FBXL2: variants seen among roughly 807,000 people sequenced by gnomAD.
The protein encoded by FBXL2 is F-box/LRR-repeat protein 2.
A neutral mutation model predicts 69.2 loss-of-function variants in FBXL2; 38 were observed. The observed-to-expected ratio is 0.55, with a 90% CI of 0.42 to 0.72. The LOEUF is 0.72. FBXL2 is among the 30% of genes least tolerant of loss of function. The pLI, the probability that FBXL2 is intolerant of heterozygous loss-of-function variation, is 0.00. For missense variants in FBXL2, 354 were observed against 520.3 expected, an observed-to-expected ratio of 0.68 and a Z score of 3.11; for synonymous variants, 192 against 201.3, an observed-to-expected ratio of 0.95 and a Z score of 0.39.
At chr3:33,315,968 C>T (rs1361992174) in intron 2 of FBXL2, among the ~76,000 whole-genome samples, 1 of 151,960 alleles carries the variant, frequency 6.6e-6, no homozygotes, top group Non-Finnish European at 1.5e-5. Context: ...TTTAAGAAAG[C>T]AGCAGGTTGC....
intron 14 of FBXL2, among the ~76,000 whole-genome samples, chr3:33,385,207 G>A (rs1266520337): frequency 6.6e-6 from 1 of 152,150 alleles, no homozygotes; most frequent in Admixed American, 6.5e-5. Context: ...GCATTTAACA[G>A]CCCCATCCAG....
intron 12 of FBXL2, among the ~76,000 whole-genome samples, chr3:33,395,106 T>C (rs951218230): frequency 3.9e-5 from 6 of 152,242 alleles, no homozygotes; most frequent in Non-Finnish European, 8.8e-5. Context: ...GTATAAGCTC[T>C]TGATGATACA....
At chr3:33,421,235 C>CT in the FBXL2 span, among the ~76,000 whole-genome samples, 1 of 149,718 alleles carries the variant, frequency 6.7e-6, no homozygotes, top group Non-Finnish European at 1.5e-5. Context: ...AAGTCAGGGA[C>CT]TTAACTCCTC....
At chr3:33,309,700 C>G (rs2037021379) in intron 2 of FBXL2, among the ~76,000 whole-genome samples, 1 of 152,130 alleles carries the variant, frequency 6.6e-6, no homozygotes, top group African/African-American at 2.4e-5. Context: ...TTTTCACGCA[C>G]TTGATATCTT....
chr3:33,419,476 A>C, the FBXL2 span, among the ~76,000 whole-genome samples: 1 of 152,146 alleles, frequency 6.6e-6, no homozygotes. Flanking sequence ...AAAAATGCAA[A>C]AACTAGCTGG....
intron 2 of FBXL2, among the ~76,000 whole-genome samples, chr3:33,333,648 C>G (rs1188697070): frequency 6.6e-6 from 1 of 152,164 alleles, no homozygotes; most frequent in East Asian, 1.9e-4. Context: ...AGCTTCATAC[C>G]TAGGGGTGGG....
At chr3:33,289,621 A>T (rs1388071952) in intron 1 of FBXL2, 2 of 244,050 alleles carry the variant, frequency 8.2e-6, no homozygotes, top group Non-Finnish European at 1.3e-5. Context: ...AGAGAAGTCA[A>T]CAGTTACTGA....
chr3:33,283,757 T>G (rs1346251817), intron 1 of FBXL2, among the ~76,000 whole-genome samples: 2 of 152,212 alleles, frequency 1.3e-5, no homozygotes, highest in Non-Finnish European at 2.9e-5. Flanking sequence ...GGATTCAACT[T>G]CTTCCTGGTT....
intron 5 of FBXL2, chr3:33,372,248 G>T (rs1432495313): frequency 6.6e-6 from 1 of 152,168 alleles, no homozygotes; most frequent in African/African-American, 2.4e-5. Flanking sequence ...ATTCTTGAGG[G>T]GCACCCTCCA....
At chr3:33,409,138 C>A in the FBXL2 span, 2 of 1,163,746 alleles carry the variant, frequency 1.7e-6, no homozygotes, top group East Asian at 2.4e-5. Context: ...AACTGCCACC[C>A]AATCTTCCCC....
the FBXL2 span, chr3:33,412,879 G>T: frequency 4.6e-5 from 55 of 1,185,638 alleles, no homozygotes; most frequent in Non-Finnish European, 5.1e-6. Flanking sequence ...CAGCTAAAAT[G>T]CAGGACCATT....
At chr3:33,280,949 A>G (rs1233230980) in intron 1 of FBXL2, among the ~76,000 whole-genome samples, 1 of 152,096 alleles carries the variant, frequency 6.6e-6, no homozygotes, top group Non-Finnish European at 1.5e-5. Context: ...CTCTCTCTGT[A>G]TTTGTGGTCA....
At chr3:33,422,248 A>C in the FBXL2 span, among the ~76,000 whole-genome samples, 2 of 152,064 alleles carry the variant, frequency 1.3e-5, no homozygotes, top group African/African-American at 4.8e-5. Flanking sequence ...AAAAGCTATG[A>C]ATCCTCTCAT....
At chr3:33,388,439 T>C (rs1262278692), downstream of FBXL2, 2 of 152,632 alleles carry the variant, frequency 1.3e-5, no homozygotes, top group Non-Finnish European at 2.9e-5. Context: ...ATTTAGCCTG[T>C]TTCACTGGGA....
At chr3:33,384,793 C>T (rs2043304365) in intron 14 of FBXL2, among the ~76,000 whole-genome samples, 1 of 152,134 alleles carries the variant, frequency 6.6e-6, no homozygotes, top group South Asian at 2.1e-4. Context: ...CTAATCCCAG[C>T]ACTTTGGGAG....
chr3:33,360,987 A>G (rs2041580985), intron 4 of FBXL2, among the ~76,000 whole-genome samples: 1 of 122,406 alleles, frequency 8.2e-6, no homozygotes, highest in Non-Finnish European at 1.6e-5. Context: ...GCTGGAGTGC[A>G]GTGGCGTGGT....
chr3:33,358,601 T>C lies in FBXL2; in HGVS notation c.66-366T>C, dbSNP rs552319356. On this transcript the variant is annotated intron_variant, in intron 2 of 14. Coordinates refer to ENST00000484457, the MANE Select transcript of FBXL2 (RefSeq NM_012157.5). ...ATCAAGCTTTTTTTGACAGTGTTAT[T>C]TGAGGCTCAGGCATCTGAGCCTGTT... 2.0e-5 allele frequency among the ~76,000 whole-genome samples: 3 copies of C among 152,334 alleles called. No individual in the cohort carries two copies. In the South Asian group the frequency reaches 6.2e-4, roughly 32 times the overall value.
At chr3:33,378,062 C>T (rs2042759936) in intron 11 of FBXL2, 41 bp from the exon 12 acceptor site, 1 of 1,605,340 alleles carries the variant, frequency 6.2e-7, no homozygotes, top group African/African-American at 1.3e-5. Context: ...TTGCTGTCAC[C>T]ACTGACTCAC....
the FBXL2 span, among the ~76,000 whole-genome samples, chr3:33,409,787 T>A: frequency 2.6e-5 from 4 of 152,334 alleles, no homozygotes; most frequent in East Asian, 7.7e-4. Flanking sequence ...CTCTCACAAA[T>A]CCAACTGAGC....
Sources: gnomAD v4.1 joint callset for allele counts (sites outside exome capture counted in the v4.1 genomes callset) on GRCh38, gnomAD v4.1.1 for gene constraint, MANE v1.5 for transcripts, NCBI Gene and HGNC (gene_info 2026-07-23, HGNC 2026-07-21) for gene names.